BCAS1: variants seen among roughly 807,000 people sequenced by gnomAD.
BCAS1 encodes the protein brain enriched myelin associated protein 1.
Under a neutral mutation model 65.4 loss-of-function variants are expected in BCAS1, and 46 were observed. The observed-to-expected ratio is 0.70, with a 90% CI of 0.55 to 0.90. BCAS1 has a LOEUF of 0.90. Among genes scored for constraint, BCAS1 ranks in the 40% least tolerant of loss-of-function variants. BCAS1 has a pLI of 0.00. For synonymous variants in BCAS1, 298 were observed against 293.5 expected (o/e 1.02, Z -0.16); for missense variants, 793 against 771.2 (o/e 1.03, Z -0.33).
intron 8 of BCAS1, among the ~76,000 whole-genome samples, chr20:53,977,454 A>C (rs186588998): frequency 3.2e-4 from 48 of 152,360 alleles, no homozygotes; most frequent in African/African-American, 1.1e-3. Flanking sequence ...TAGACTGAGA[A>C]AACCCTTCCA....
chr20:53,966,838 T>A, intron 10 of BCAS1, 68 bp downstream of exon 10: 1 of 1,436,448 alleles, frequency 7.0e-7, no homozygotes, highest in South Asian at 1.4e-5. Context: ...ACCTGTGGCA[T>A]GAGCCCATTG....
intron 1 of BCAS1, among the ~76,000 whole-genome samples, chr20:54,068,683 A>C (rs2092475499): frequency 6.6e-6 from 1 of 152,132 alleles, no homozygotes; most frequent in South Asian, 2.1e-4. Flanking sequence ...CTTGCCCAAG[A>C]GTAGCAGTCA....
intron 8 of BCAS1, among the ~76,000 whole-genome samples, chr20:53,977,091 G>C (rs1303592397): frequency 6.6e-6 from 1 of 152,164 alleles, no homozygotes; most frequent in African/African-American, 2.4e-5. Context: ...ATGGTGGCAG[G>C]CAAGAGAGAG....
chr20:53,997,216 A>T (rs2090940194), intron 4 of BCAS1, among the ~76,000 whole-genome samples: 2 of 152,358 alleles, frequency 1.3e-5, no homozygotes, highest in Non-Finnish European at 2.9e-5. Flanking sequence ...CTCGACAAAG[A>T]CAGGGATAAT....
intron 10 of BCAS1, among the ~76,000 whole-genome samples, chr20:53,960,846 T>A (rs918319537): frequency 6.6e-6 from 1 of 152,216 alleles, no homozygotes; most frequent in African/African-American, 2.4e-5. Context: ...TTTTTCCAGC[T>A]GTCAAAAATA....
At chr20:53,982,140 A>G in intron 8 of BCAS1, among the ~76,000 whole-genome samples, 1 of 152,212 alleles carries the variant, frequency 6.6e-6, no homozygotes, top group Non-Finnish European at 1.5e-5. Flanking sequence ...CCAGGGATAC[A>G]CAGCTCAACC....
chr20:53,981,852 C>T (rs1013077738), intron 8 of BCAS1, among the ~76,000 whole-genome samples: 2 of 150,342 alleles, frequency 1.3e-5, no homozygotes, highest in Non-Finnish European at 3.0e-5. Context: ...GTATCATGTT[C>T]CTCCAAATGG....
intron 10 of BCAS1, among the ~76,000 whole-genome samples, chr20:53,965,863 A>T (rs530584143): frequency 2.6e-4 from 40 of 152,338 alleles, no homozygotes; most frequent in African/African-American, 9.4e-4. Context: ...TTGACCACCA[A>T]GAGAAGGAAA....
intron 3 of BCAS1, among the ~76,000 whole-genome samples, chr20:54,041,764 T>G (rs1052311202): frequency 6.6e-6 from 1 of 151,292 alleles, no homozygotes; most frequent in Non-Finnish European, 1.5e-5. Context: ...CTGGGCGTAG[T>G]GGCGGGCGCC....
chr20:54,050,397 A>G (rs986188081), intron 3 of BCAS1, among the ~76,000 whole-genome samples: 8 of 152,206 alleles, frequency 5.3e-5, no homozygotes, highest in Non-Finnish European at 1.0e-4. Context: ...ACTCTTAGCT[A>G]TAATACTCTG....
At chr20:54,017,051 T>A (rs2091453666) in intron 4 of BCAS1, among the ~76,000 whole-genome samples, 1 of 152,194 alleles carries the variant, frequency 6.6e-6, no homozygotes, top group South Asian at 2.1e-4. Context: ...AGTTATTAAC[T>A]GATGTGGAGA....
chr20:54,049,938 G>A (rs917323633), intron 3 of BCAS1, among the ~76,000 whole-genome samples: 1 of 152,126 alleles, frequency 6.6e-6, no homozygotes, highest in African/African-American at 2.4e-5. Context: ...TTCCATTTCC[G>A]ATTGCTGTAA....
chr20:53,965,374 A>T (rs2090000002), intron 10 of BCAS1, among the ~76,000 whole-genome samples: 1 of 152,184 alleles, frequency 6.6e-6, no homozygotes, highest in African/African-American at 2.4e-5. Flanking sequence ...AACTCCAAAT[A>T]CTCCTGAAAA....
chr20:54,057,287 A>G (rs2092310321), intron 3 of BCAS1, among the ~76,000 whole-genome samples: 1 of 152,240 alleles, frequency 6.6e-6, no homozygotes, highest in Non-Finnish European at 1.5e-5. Context: ...ATTTGGGGAA[A>G]AGGAATATAT....
chr20:53,952,116 G>A (rs1342520172), intron 12 of BCAS1, among the ~76,000 whole-genome samples: 1 of 152,246 alleles, frequency 6.6e-6, no homozygotes, highest in East Asian at 1.9e-4. Flanking sequence ...AAATTGTTAA[G>A]TGTGGTTAAA....
At chr20:53,993,938 T>C (rs777208702) in intron 6 of BCAS1, among the ~76,000 whole-genome samples, 6 of 152,208 alleles carry the variant, frequency 3.9e-5, no homozygotes, top group Non-Finnish European at 7.3e-5. Flanking sequence ...ATCAGAGCTC[T>C]ACAGTTTGCA....
At chr20:53,988,741 C>T (rs2090678638) in intron 7 of BCAS1, among the ~76,000 whole-genome samples, 1 of 152,202 alleles carries the variant, frequency 6.6e-6, no homozygotes, top group South Asian at 2.1e-4. Context: ...TCAAATGCTA[C>T]AACTTACAGG....
intron 1 of BCAS1, among the ~76,000 whole-genome samples, chr20:54,061,622 CA>C (rs2146348959): frequency 6.6e-6 from 1 of 151,628 alleles, no homozygotes; most frequent in East Asian, 1.9e-4. Context: ...TTGAGGAGGC[CA>C]AAAAAAGGGT....
intron 9 of BCAS1, among the ~76,000 whole-genome samples, chr20:53,974,559 C>G (rs1222685481): frequency 1.3e-5 from 2 of 152,222 alleles, no homozygotes; most frequent in Non-Finnish European, 2.9e-5. Context: ...AACACACGCC[C>G]TATTTATGGC....
Sources: allele counts gnomAD v4.1 joint callset (sites outside exome capture counted in the v4.1 genomes callset), GRCh38; gene constraint gnomAD v4.1.1; transcripts MANE v1.5; gene names NCBI Gene and HGNC (gene_info 2026-07-23, HGNC 2026-07-21).